The following DGKG variants were observed in gnomAD, a reference collection of about 807,000 sequenced individuals.
DGKG encodes the protein DAG kinase gamma.
DGKG carries 78 observed loss-of-function variants against 105.3 expected under a neutral mutation model. The ratio of observed to expected loss-of-function variants is 0.74; its 90% CI spans 0.62 to 0.89. The LOEUF (loss-of-function observed/expected upper bound fraction) is 0.89. Ranked by LOEUF, DGKG falls within the 40% of genes least tolerant of loss-of-function variation. DGKG has a pLI of 0.00. For missense variants in DGKG, 958 were observed against 1,020.1 expected (o/e 0.94, Z 0.83); for synonymous variants, 346 against 367.1 (o/e 0.94, Z 0.66).
Position 186,288,810 on chromosome 3 carries a change from G to T in DGKG, c.444C>A (p.Val148=), listed in dbSNP as rs1369294246. The T allele has an allele frequency of 2.5e-6, 4 of 1,612,718 alleles. No individual in the cohort carries two copies. Among genetic ancestry groups the T allele is most frequent in the Non-Finnish European group, 3.4e-6 (4 of 1,179,382 alleles). Residue 148 remains valine (V), a synonymous_variant, in exon 6 of 25, where the codon GTC becomes GTA. Transcript: ENST00000265022. ...GGGATTCCGAGCTTGAAGACCGAGGGACGGGGGGTTCCAGGGGGGTCGCAG... is the reference window on the plus strand; with the variant it reads ...GGGATTCCGAGCTTGAAGACCGAGGTACGGGGGGTTCCAGGGGGGTCGCAG... ...QVAATPLEPP[V]PRSSSSESPV... is the part of the protein sequence containing the mutation.
At chr3:186,275,390 A>G (rs1560128523) in intron 10 of DGKG, among the ~76,000 whole-genome samples, 157 bp downstream of exon 10, 1 of 152,226 alleles carries the variant, frequency 6.6e-6, no homozygotes, top group Non-Finnish European at 1.5e-5. Flanking sequence ...TAAAAACAGG[A>G]CATGAAGGCC....
chr3:186,205,746 T>C (rs998367150), intron 21 of DGKG, among the ~76,000 whole-genome samples: 1 of 151,542 alleles, frequency 6.6e-6, no homozygotes, highest in Non-Finnish European at 1.5e-5. Flanking sequence ...CAACAAAAAA[T>C]GGAAAAATAG....
At chr3:186,165,128 C>A (rs1716477526) in intron 22 of DGKG, 110 bp from the exon 23 acceptor site, 3 of 1,168,168 alleles carry the variant, frequency 2.6e-6, no homozygotes, top group African/African-American at 3.1e-5. Flanking sequence ...CCCTTCATCT[C>A]CCACCAAACA....
intron 22 of DGKG, among the ~76,000 whole-genome samples, chr3:186,183,423 T>C (rs1717453209): frequency 6.6e-6 from 1 of 152,160 alleles, no homozygotes; most frequent in African/African-American, 2.4e-5. Context: ...CAAGAGACTG[T>C]TTCTCACTAT....
At chr3:186,192,090 C>A (rs1560088225) in intron 21 of DGKG, among the ~76,000 whole-genome samples, 1 of 152,208 alleles carries the variant, frequency 6.6e-6, no homozygotes, top group African/African-American at 2.4e-5. Flanking sequence ...TCACTGCAAC[C>A]TCTGCCTCCC....
At position 186,203,562 on chromosome 3, in the gene DGKG, G is replaced by A. The variant is rs578234259; in HGVS notation, c.1917+8233C>T. Among the ~76,000 whole-genome samples, 195 of 152,330 alleles carry A rather than the reference G, an allele frequency of 1.3e-3. 5 individuals are homozygous for A. In the South Asian group the frequency reaches 0.038, roughly 29 times the overall value. On this transcript the variant is annotated intron_variant, in intron 21 of 24. Coordinates refer to ENST00000265022, the MANE Select transcript of DGKG (RefSeq NM_001346.3). The surrounding 1 kb of genome is among the most constrained non-coding windows in gnomAD (Gnocchi z 4.9). ...GTGAGAACCGGTGAATGGGCAAGAA[G>A]AAGCAACCAGAAGTGGCAGGAGCTG...
chr3:186,341,866 G>A (rs545997500), intron 1 of DGKG, among the ~76,000 whole-genome samples: 1 of 152,206 alleles, frequency 6.6e-6, no homozygotes, highest in East Asian at 1.9e-4. Flanking sequence ...GTCCTTTGTA[G>A]GGACATGGAT....
intron 20 of DGKG, among the ~76,000 whole-genome samples, chr3:186,230,629 G>A (rs1477822860): frequency 1.3e-5 from 2 of 152,142 alleles, no homozygotes; most frequent in Non-Finnish European, 2.9e-5. Flanking sequence ...CGTGTCCCAG[G>A]GAGACTAATG....
At chr3:186,265,173 C>T in intron 14 of DGKG, 74 bp downstream of exon 14, 1 of 1,462,538 alleles carries the variant, frequency 6.8e-7, no homozygotes, top group Non-Finnish European at 9.6e-7. Flanking sequence ...TCTGTAGAAC[C>T]CAAACCCCGT....
At chr3:186,291,463 A>G (rs1394839541) in intron 5 of DGKG, among the ~76,000 whole-genome samples, 1 of 152,274 alleles carries the variant, frequency 6.6e-6, no homozygotes, top group African/African-American at 2.4e-5. Context: ...ATTTTTATTT[A>G]TGATAATTAT....
In DGKG at chr3:186,355,343, C is replaced by A. The variant is rs564452380; in HGVS notation, c.-249+6603G>T. On this transcript the variant is annotated intron_variant, in intron 1 of 24. Transcript: ENST00000265022. ...ACTACCATCACCACTATCACCACCACCAACAACACTACTCCTACCACCATG... is the reference window on the plus strand; with the variant it reads ...ACTACCATCACCACTATCACCACCAACAACAACACTACTCCTACCACCATG... Among the ~76,000 whole-genome samples the A allele has an allele frequency of 5.2e-3, 417 of 80,448 alleles. 2 individuals carry two copies. The highest frequency in any genetic ancestry group is 0.021 in the African/African-American group (345 of 16,232). 52.8% of individuals were successfully genotyped at this position (80,448 alleles called of 152,430 possible). A position where few individuals can be genotyped will look rare whatever the true frequency, so the allele number is the denominator to read the frequency against.
intron 1 of DGKG, among the ~76,000 whole-genome samples, chr3:186,325,584 AT>A (rs1230196540): frequency 1.3e-5 from 2 of 152,068 alleles, no homozygotes; most frequent in Non-Finnish European, 2.9e-5. Flanking sequence ...AATGATACTG[AT>A]TTTCTAATTC....
intron 5 of DGKG, among the ~76,000 whole-genome samples, chr3:186,292,828 C>T (rs6793825): frequency 1.3e-5 from 2 of 151,802 alleles, no homozygotes; most frequent in African/African-American, 2.4e-5. Context: ...AGAAGAAACT[C>T]GGTCCCAGAT....
rs971324691 is a variant in DGKG, at chr3:186,203,300, G to A, written c.1917+8495C>T. 1.3e-5 allele frequency among the ~76,000 whole-genome samples: 2 copies of A among 152,164 alleles called. No homozygotes were observed. Among genetic ancestry groups the A allele is most frequent in the East Asian group, 3.8e-4 (2 of 5,198 alleles). On this transcript the variant is annotated intron_variant, in intron 21 of 24. Coordinates refer to ENST00000265022, the MANE Select transcript of DGKG (RefSeq NM_001346.3). The surrounding 1 kb of genome is among the most constrained non-coding windows in gnomAD (Gnocchi z 4.9). Reference sequence around the variant, plus strand: ...AAAGAATCACAGAGGTCCTCAGGAGGCCTGATGATAAAGAAACAAGGGCTA... The same window carrying A: ...AAAGAATCACAGAGGTCCTCAGGAGACCTGATGATAAAGAAACAAGGGCTA...
intron 6 of DGKG, among the ~76,000 whole-genome samples, chr3:186,286,222 C>T (rs762273761): frequency 1.1e-4 from 17 of 152,252 alleles, no homozygotes; most frequent in South Asian, 4.2e-4. Context: ...GCTTTCGATT[C>T]TTTGTGATTC....
chr3:186,298,325 G>T, intron 3 of DGKG, 96 bp from the exon 4 acceptor site: 1 of 1,210,398 alleles, frequency 8.3e-7, no homozygotes, highest in African/African-American at 1.5e-5. Flanking sequence ...CAGGTGAAAG[G>T]AATGGAAAGG....
chr3:186,254,573 C>A (rs997100885), intron 17 of DGKG, among the ~76,000 whole-genome samples: 9 of 152,052 alleles, frequency 5.9e-5, no homozygotes, highest in Non-Finnish European at 1.2e-4. Context: ...TGTATGCCGC[C>A]CTAGGTTTTT....
At chr3:186,155,117 T>A (rs1297791819) in intron 24 of DGKG, among the ~76,000 whole-genome samples, 1 of 152,210 alleles carries the variant, frequency 6.6e-6, no homozygotes, top group African/African-American at 2.4e-5. Context: ...CGAATAAATA[T>A]ATATATATGT....
chr3:186,250,335 T>TG (rs915727407), intron 19 of DGKG, among the ~76,000 whole-genome samples: 5 of 151,728 alleles, frequency 3.3e-5, no homozygotes, highest in Non-Finnish European at 7.4e-5. Context: ...GTGGGGATGT[T>TG]GGGGGAGGGA....
Sources: gnomAD v4.1 joint callset for allele counts (sites outside exome capture counted in the v4.1 genomes callset) on GRCh38, gnomAD v4.1.1 for gene constraint, Gnocchi (gnomAD v3.1) non-coding constraint, MANE v1.5 for transcripts, NCBI Gene and HGNC (gene_info 2026-07-23, HGNC 2026-07-21) for gene names.